Variants in SCFD2 observed in about 807,000 individuals in gnomAD.
SCFD2 encodes sec1 family domain-containing protein 2.
In SCFD2, 54 loss-of-function variants were observed where a neutral mutation model predicts 58.9. The observed-to-expected ratio is 0.92, with a 90% CI of 0.74 to 1.15. SCFD2 has a LOEUF of 1.15. Among genes scored for constraint, SCFD2 ranks in the 50% most tolerant of loss-of-function variants. The probability of loss-of-function intolerance (pLI) is 0.00; values close to 1 mark genes in which losing one functional copy is unlikely to be tolerated. For missense variants in SCFD2, 805 were observed against 836.6 expected (o/e 0.96, Z 0.47); for synonymous variants, 321 against 335.9 (o/e 0.96, Z 0.49).
At chr4:53,021,631 G>C (rs1417688775) in intron 5 of SCFD2, among the ~76,000 whole-genome samples, 7 of 152,218 alleles carry the variant, frequency 4.6e-5, no homozygotes, top group Admixed American at 2.6e-4. Context: ...AGTCAAGGGT[G>C]AGGGTGTTGG....
chr4:53,063,204 C>T (rs1273302474), intron 5 of SCFD2, among the ~76,000 whole-genome samples: 1 of 152,038 alleles, frequency 6.6e-6, no homozygotes, highest in African/African-American at 2.4e-5. Flanking sequence ...TGGAATAATG[C>T]CTCTGTCAGA....
intron 5 of SCFD2, among the ~76,000 whole-genome samples, chr4:53,081,950 T>C (rs1314880490): frequency 6.6e-6 from 1 of 152,200 alleles, no homozygotes; most frequent in Non-Finnish European, 1.5e-5. Flanking sequence ...AATGGAATCA[T>C]ACAATAAGTG....
chr4:53,165,413 C>G (rs550951617), intron 4 of SCFD2, among the ~76,000 whole-genome samples: 2 of 152,252 alleles, frequency 1.3e-5, no homozygotes, highest in African/African-American at 4.8e-5. Flanking sequence ...AAAAAAGAAT[C>G]TCCTTATTGT....
At chr4:52,924,083 C>A (rs927953986) in intron 5 of SCFD2, among the ~76,000 whole-genome samples, 6 of 152,146 alleles carry the variant, frequency 3.9e-5, no homozygotes, top group African/African-American at 1.4e-4. Context: ...GTCAATCCAG[C>A]TAAATAGACT....
chr4:53,076,290 A>T (rs1248599662), intron 5 of SCFD2, among the ~76,000 whole-genome samples: 1 of 151,992 alleles, frequency 6.6e-6, no homozygotes, highest in East Asian at 1.9e-4. Context: ...TGGCTAAAAA[A>T]ATTCCAATTT....
At chr4:52,983,347 T>C (rs918257272) in intron 5 of SCFD2, among the ~76,000 whole-genome samples, 1 of 152,192 alleles carries the variant, frequency 6.6e-6, no homozygotes, top group African/African-American at 2.4e-5. Flanking sequence ...ACTCTTGTGT[T>C]AAGTGTTTCC....
chr4:53,248,621 C>A (rs539495162), intron 4 of SCFD2, among the ~76,000 whole-genome samples: 2 of 152,304 alleles, frequency 1.3e-5, no homozygotes, highest in African/African-American at 2.4e-5. Context: ...GACCCCTGAC[C>A]CCCGAGCAGC....
At chr4:53,070,682 T>C (rs1336501126) in intron 5 of SCFD2, among the ~76,000 whole-genome samples, 1 of 152,130 alleles carries the variant, frequency 6.6e-6, no homozygotes, top group African/African-American at 2.4e-5. Context: ...GATTATGTCC[T>C]ACTTTTCTGT....
At chr4:53,340,112 G>T (rs897908361) in intron 2 of SCFD2, among the ~76,000 whole-genome samples, 1 of 152,152 alleles carries the variant, frequency 6.6e-6, no homozygotes, top group Non-Finnish European at 1.5e-5. Flanking sequence ...TTGTCAGACA[G>T]TGGGGGCAGG....
intron 2 of SCFD2, among the ~76,000 whole-genome samples, chr4:53,328,865 T>C (rs1733310767): frequency 1.3e-5 from 2 of 152,276 alleles, no homozygotes; most frequent in South Asian, 2.1e-4. Flanking sequence ...TGCCAGACAG[T>C]GGGCGCAGGT....
chr4:53,142,416 G>A (rs1726196781), intron 5 of SCFD2, among the ~76,000 whole-genome samples: 1 of 152,110 alleles, frequency 6.6e-6, no homozygotes. Flanking sequence ...ACCACAAAAT[G>A]TGCATAAGGC....
chr4:53,132,015 TAGA>T (rs1725799207), intron 5 of SCFD2, among the ~76,000 whole-genome samples: 1 of 152,222 alleles, frequency 6.6e-6, no homozygotes, highest in Admixed American at 6.5e-5. Context: ...TAAATATTAG[TAGA>T]AGAAGATTCA....
chr4:53,288,584 C>A (rs1731742096), intron 3 of SCFD2, among the ~76,000 whole-genome samples: 1 of 152,020 alleles, frequency 6.6e-6, no homozygotes. Flanking sequence ...ATGATATATT[C>A]AAAGTGCTGA....
intron 4 of SCFD2, among the ~76,000 whole-genome samples, chr4:53,187,632 A>G (rs1727775955): frequency 6.6e-6 from 1 of 152,108 alleles, no homozygotes; most frequent in Admixed American, 6.6e-5. Context: ...GAGATACTTA[A>G]TGCCATAAAT....
chr4:53,357,536 G>A (rs1175296380), intron 1 of SCFD2, among the ~76,000 whole-genome samples: 1 of 152,078 alleles, frequency 6.6e-6, no homozygotes, highest in Non-Finnish European at 1.5e-5. Context: ...CTCAATGAGG[G>A]TCAAATAGCA....
chr4:53,330,674 GAA>G (rs1733420373), intron 2 of SCFD2, among the ~76,000 whole-genome samples: 1 of 151,914 alleles, frequency 6.6e-6, no homozygotes. Context: ...AGACTAGGAA[GAA>G]ACTGCATCAA....
At chr4:53,232,386 AT>A in intron 4 of SCFD2, among the ~76,000 whole-genome samples, 1 of 152,174 alleles carries the variant, frequency 6.6e-6, no homozygotes, top group African/African-American at 2.4e-5. Context: ...TTTAACACAT[AT>A]TTTTCCCCTG....
intron 4 of SCFD2, among the ~76,000 whole-genome samples, chr4:53,250,053 C>A (rs1393457355): frequency 2.0e-5 from 3 of 152,072 alleles, no homozygotes; most frequent in Non-Finnish European, 2.9e-5. Context: ...ATTCAGGAAA[C>A]CCATCTCACA....
intron 5 of SCFD2, among the ~76,000 whole-genome samples, chr4:53,024,108 A>C (rs1168848857): frequency 6.6e-6 from 1 of 152,178 alleles, no homozygotes; most frequent in South Asian, 2.1e-4. Context: ...GGTTTCAAGA[A>C]GTCTGCTTTC....
Sources: allele counts gnomAD v4.1 joint callset (sites outside exome capture counted in the v4.1 genomes callset), GRCh38; gene constraint gnomAD v4.1.1; transcripts MANE v1.5; gene names NCBI Gene and HGNC (gene_info 2026-07-23, HGNC 2026-07-21).